The following CSMD1 variants were observed in gnomAD, a reference collection of about 807,000 sequenced individuals.
CSMD1 encodes CUB and Sushi multiple domains 1, also known as CUB and sushi domain-containing protein 1.
CSMD1 carries 213 observed loss-of-function variants against 417.5 expected under a neutral mutation model. The observed-to-expected ratio is 0.51, with a 90% confidence interval of 0.46 to 0.57. The LOEUF (loss-of-function observed/expected upper bound fraction) is 0.57. Among genes scored for constraint, CSMD1 ranks in the 20% least tolerant of loss-of-function variants. CSMD1 has a pLI of 0.00. For missense variants in CSMD1, 6,923 were observed against 4,529.7 expected, an observed-to-expected ratio of 1.53 and a Z score of -15.17; for synonymous variants, 2,862 against 1,736.8, an observed-to-expected ratio of 1.65 and a Z score of -16.11.
At chr8:3,424,922 G>T (rs1043353344) in intron 12 of CSMD1, among the ~76,000 whole-genome samples, 1 of 152,124 alleles carries the variant, frequency 6.6e-6, no homozygotes, top group African/African-American at 2.4e-5. Context: ...ATGATCTCAG[G>T]CTCCTGGGCT....
rs10503269 is a variant in CSMD1 at position 4,650,042 on chromosome 8, C to G, written c.86-12484G>C. Among the ~76,000 whole-genome samples, 5 of 151,992 alleles carry G rather than the reference C, an allele frequency of 3.3e-5. No homozygotes were observed. The South Asian group carries it at 8.3e-4, about 25-fold the overall frequency. On this transcript the variant is annotated intron_variant, in intron 1 of 69. Coordinates refer to ENST00000635120, the MANE Select transcript of CSMD1 (RefSeq NM_033225.6). Reference sequence around the variant, plus strand: ...ATTTATCATGTCTGGGATGAGACAGCTTTACGTGTGAATATGTAGAAGACA... The same window carrying G: ...ATTTATCATGTCTGGGATGAGACAGGTTTACGTGTGAATATGTAGAAGACA...
chr8:3,814,411 A>G (rs1801259989), intron 5 of CSMD1, among the ~76,000 whole-genome samples: 1 of 152,194 alleles, frequency 6.6e-6, no homozygotes, highest in South Asian at 2.1e-4. Flanking sequence ...AAACTTAAAA[A>G]CAAACACCTG....
Position 3,839,487 on chromosome 8 carries a change from T to TTATATAATTATA in CSMD1, c.819-85446_819-85445insTATAATTATATA, listed in dbSNP as rs1563133287. Among the ~76,000 whole-genome samples the TTATATAATTATA allele has an allele frequency of 3.9e-4, 48 of 123,878 alleles. No homozygotes were observed. The East Asian group carries it at 9.2e-3, about 24-fold the overall frequency. 81.3% of individuals were successfully genotyped at this position (123,878 alleles called of 152,430 possible). ...ATATATTATATAATTATATTATATA[T>TTATATAATTATA]TTATATATTAATATATATATTTATA... is the stretch of plus-strand genomic sequence containing the variant. On this transcript the variant is annotated intron_variant, in intron 5 of 69. Coordinates refer to ENST00000635120, the MANE Select transcript of CSMD1 (RefSeq NM_033225.6).
chr8:3,598,575 G>A (rs1296173560), intron 8 of CSMD1, among the ~76,000 whole-genome samples: 2 of 152,108 alleles, frequency 1.3e-5, no homozygotes, highest in African/African-American at 4.8e-5. Flanking sequence ...AACAGAGGAG[G>A]ACTTTTCTGT....
At chr8:3,166,669 T>C (rs1038730602) in intron 37 of CSMD1, among the ~76,000 whole-genome samples, 1 of 152,218 alleles carries the variant, frequency 6.6e-6, no homozygotes, top group Non-Finnish European at 1.5e-5. Flanking sequence ...CAGTATCATA[T>C]AAATAATGGG....
At chr8:4,556,591 G>A (rs900679895) in intron 2 of CSMD1, among the ~76,000 whole-genome samples, 6 of 152,108 alleles carry the variant, frequency 3.9e-5, no homozygotes, top group Admixed American at 6.5e-5. Context: ...AAGAATAAAC[G>A]AATAGTATAT....
intron 23 of CSMD1, among the ~76,000 whole-genome samples, chr8:3,311,990 A>C (rs779296352): frequency 6.6e-6 from 1 of 152,238 alleles, no homozygotes; most frequent in Non-Finnish European, 1.5e-5. Context: ...ACAAAGTTCT[A>C]AAATCCAAAA....
chr8:4,936,614 C>T (rs1190127935), intron 1 of CSMD1, among the ~76,000 whole-genome samples: 1 of 152,118 alleles, frequency 6.6e-6, no homozygotes, highest in Non-Finnish European at 1.5e-5. Context: ...TATTTGTCAA[C>T]ACTAAATTAC....
At chr8:2,959,700 G>C (rs1032457200) in intron 62 of CSMD1, among the ~76,000 whole-genome samples, 2 of 152,132 alleles carry the variant, frequency 1.3e-5, no homozygotes, top group African/African-American at 4.8e-5. Flanking sequence ...CTAACACAGG[G>C]ACATTTCACA....
chr8:3,202,361 C>T (rs571316300), intron 31 of CSMD1, among the ~76,000 whole-genome samples: 11 of 152,306 alleles, frequency 7.2e-5, no homozygotes, highest in South Asian at 4.1e-4. Flanking sequence ...GACTTATACA[C>T]GTGATTCTCT....
chr8:3,219,358 G>A lies in CSMD1; in HGVS notation c.4569C>T (p.Gly1523=), dbSNP rs775580199. 34 of 1,573,142 alleles carry A rather than the reference G, an allele frequency of 2.2e-5. No homozygotes were observed. Among genetic ancestry groups the A allele is most frequent in the Middle Eastern group, 3.6e-4 (2 of 5,540 alleles). The part of the protein sequence containing the change: ...SNSPLIGSYQ[G]SQAPERIESS... ...TCTCTATTCTTTCTGGGGCCTGAGA[G>A]CCCTGGTAACTCCCAATGAGGGGGC... The change falls in exon 29 of 70, where the codon GGC becomes GGT. Residue 1523 remains glycine, a synonymous_variant. Transcript: ENST00000635120.
At chr8:3,673,212 G>C (rs954182184) in intron 7 of CSMD1, among the ~76,000 whole-genome samples, 1 of 152,158 alleles carries the variant, frequency 6.6e-6, no homozygotes. Context: ...ATGCCCCTGT[G>C]CATGAACCAC....
chr8:4,502,078 A>G (rs1802287069), intron 2 of CSMD1, among the ~76,000 whole-genome samples: 1 of 152,196 alleles, frequency 6.6e-6, no homozygotes, highest in African/African-American at 2.4e-5. Flanking sequence ...TTATTTCTAC[A>G]TATGTTACCT....
intron 3 of CSMD1, among the ~76,000 whole-genome samples, chr8:4,390,470 A>C (rs1384024519): frequency 1.5e-5 from 2 of 130,534 alleles, no homozygotes; most frequent in Admixed American, 7.9e-5. Flanking sequence ...CATAGTTAAG[A>C]AAACTGTTAC....
chr8:4,530,284 T>C (rs1258201127), intron 2 of CSMD1, among the ~76,000 whole-genome samples: 3 of 142,932 alleles, frequency 2.1e-5, no homozygotes, highest in East Asian at 2.3e-4. Context: ...AATAAGCAAA[T>C]ATTGTTCACA....
intron 23 of CSMD1, among the ~76,000 whole-genome samples, chr8:3,331,818 T>G (rs1806916448): frequency 6.6e-6 from 1 of 152,232 alleles, no homozygotes; most frequent in African/African-American, 2.4e-5. Context: ...TTACTCCTAT[T>G]TCTTTATGTG....
chr8:4,492,954 T>C (rs375709065), intron 2 of CSMD1, among the ~76,000 whole-genome samples: 4 of 152,220 alleles, frequency 2.6e-5, no homozygotes, highest in African/African-American at 9.6e-5. Context: ...TTATTAAAAA[T>C]TGATTTGAGT....
chr8:3,133,175 T>A (rs1299256024), intron 41 of CSMD1, among the ~76,000 whole-genome samples: 3 of 152,160 alleles, frequency 2.0e-5, no homozygotes, highest in African/African-American at 7.2e-5. Context: ...GAGGCCGACC[T>A]GGGGCCCCTT....
At chr8:4,202,280 A>G (rs1371222590) in intron 3 of CSMD1, among the ~76,000 whole-genome samples, 7 of 152,162 alleles carry the variant, frequency 4.6e-5, no homozygotes, top group Non-Finnish European at 7.3e-5. Flanking sequence ...GTTACTGATT[A>G]TGCTTTAAAA....
Sources: allele counts gnomAD v4.1 joint callset (sites outside exome capture counted in the v4.1 genomes callset), GRCh38; gene constraint gnomAD v4.1.1; transcripts MANE v1.5; gene names NCBI Gene and HGNC (gene_info 2026-07-23, HGNC 2026-07-21).